The following SPAG16 variants were observed in gnomAD, a reference collection of about 807,000 sequenced individuals.
SPAG16 encodes sperm associated antigen 16.
SPAG16 carries 86 observed loss-of-function variants against 80.4 expected under a neutral mutation model. The observed-to-expected ratio is 1.07, with a 90% confidence interval of 0.90 to 1.28. SPAG16 has a LOEUF of 1.28. SPAG16 is among the 50% of genes most tolerant of loss of function. The pLI is 0.00. For missense variants in SPAG16, 870 were observed against 765.3 expected, an observed-to-expected ratio of 1.14 and a Z score of -1.61; for synonymous variants, 294 against 265.9, an observed-to-expected ratio of 1.11 and a Z score of -1.03.
chr2:213,291,939 A>G (rs776017853), intron 1 of SPAG16, among the ~76,000 whole-genome samples: 26 of 152,228 alleles, frequency 1.7e-4, no homozygotes, highest in Non-Finnish European at 2.9e-4. Flanking sequence ...GCTTTATAAA[A>G]TGGTAGTTAT....
intron 15 of SPAG16, among the ~76,000 whole-genome samples, chr2:214,199,326 G>A (rs771993305): frequency 2.0e-5 from 3 of 152,026 alleles, no homozygotes; most frequent in Admixed American, 6.6e-5. Context: ...ACATGTGTTT[G>A]TCAGTTTTCC....
At chr2:214,118,175 AT>A (rs1229509420) in intron 14 of SPAG16, among the ~76,000 whole-genome samples, 9 of 152,344 alleles carry the variant, frequency 5.9e-5, no homozygotes, top group African/African-American at 1.9e-4. Context: ...TCAATAAAAA[AT>A]AGTAACATTT....
chr2:213,696,712 T>C (rs979838180), intron 10 of SPAG16, among the ~76,000 whole-genome samples: 1 of 152,194 alleles, frequency 6.6e-6, no homozygotes, highest in African/African-American at 2.4e-5. Context: ...ATGTTAAAAC[T>C]GTGAAATAGC....
At chr2:213,287,863 C>A (rs572791658) in intron 1 of SPAG16, among the ~76,000 whole-genome samples, 63 of 152,078 alleles carry the variant, frequency 4.1e-4, no homozygotes, top group Non-Finnish European at 7.2e-4. Context: ...AAGTAGCAAG[C>A]CTGTAGATAA....
chr2:214,157,254 A>G (rs1487163950), intron 15 of SPAG16, among the ~76,000 whole-genome samples: 2 of 152,094 alleles, frequency 1.3e-5, no homozygotes, highest in Non-Finnish European at 2.9e-5. Flanking sequence ...CTCCCATTTT[A>G]AAGTTTTAAG....
At chr2:213,894,098 TATATC>T (rs982207908) in intron 11 of SPAG16, among the ~76,000 whole-genome samples, 3 of 152,108 alleles carry the variant, frequency 2.0e-5, no homozygotes, top group African/African-American at 4.8e-5. Context: ...TAGCTATACT[TATATC>T]AGATAAAATA....
At chr2:214,330,821 A>T (rs1696864503) in intron 15 of SPAG16, among the ~76,000 whole-genome samples, 1 of 152,172 alleles carries the variant, frequency 6.6e-6, no homozygotes, top group South Asian at 2.1e-4. Flanking sequence ...GTGCCAAATG[A>T]GGGATCAAGT....
intron 15 of SPAG16, among the ~76,000 whole-genome samples, chr2:214,353,346 T>C (rs1269789230): frequency 6.6e-6 from 1 of 152,108 alleles, no homozygotes; most frequent in East Asian, 1.9e-4. Context: ...ATACTATGCA[T>C]AGAGAGATCA....
At chr2:213,578,370 GA>G (rs1210542044) in intron 10 of SPAG16, among the ~76,000 whole-genome samples, 1 of 152,042 alleles carries the variant, frequency 6.6e-6, no homozygotes, top group Admixed American at 6.6e-5. Context: ...AATGTCAACT[GA>G]AAAAAGCTAA....
At chr2:214,093,101 C>T (rs1333624862) in intron 13 of SPAG16, among the ~76,000 whole-genome samples, 2 of 151,964 alleles carry the variant, frequency 1.3e-5, no homozygotes, top group Admixed American at 6.6e-5. Flanking sequence ...TATTTGGCCC[C>T]TCTTCCCTAG....
At chr2:213,717,156 A>ATTTTTTT (rs1411155401) in intron 10 of SPAG16, among the ~76,000 whole-genome samples, 1 of 144,168 alleles carries the variant, frequency 6.9e-6, no homozygotes, top group African/African-American at 2.6e-5. Flanking sequence ...GAAACTTTTC[A>ATTTTTTT]TTTTTTTTTT....
At chr2:214,035,460 C>G (rs1292760875) in intron 13 of SPAG16, among the ~76,000 whole-genome samples, 1 of 152,176 alleles carries the variant, frequency 6.6e-6, no homozygotes, top group East Asian at 1.9e-4. Flanking sequence ...CCCCTCAACC[C>G]CCCTCACATA....
chr2:213,452,070 G>A (rs2071731289), intron 9 of SPAG16, among the ~76,000 whole-genome samples: 1 of 152,074 alleles, frequency 6.6e-6, no homozygotes, highest in Non-Finnish European at 1.5e-5. Flanking sequence ...CCTATTGTTT[G>A]TATGTGAAGT....
chr2:214,369,145 TAATG>T (rs1255564548), intron 15 of SPAG16, among the ~76,000 whole-genome samples: 1 of 152,130 alleles, frequency 6.6e-6, no homozygotes, highest in Non-Finnish European at 1.5e-5. Flanking sequence ...TTTTAGAATT[TAATG>T]AATATGTATC....
intron 12 of SPAG16, among the ~76,000 whole-genome samples, chr2:213,931,993 C>T (rs2078767581): frequency 6.6e-6 from 1 of 151,620 alleles, no homozygotes; most frequent in Non-Finnish European, 1.5e-5. Flanking sequence ...CAGATCAATA[C>T]AATATAGATA....
intron 10 of SPAG16, among the ~76,000 whole-genome samples, chr2:213,720,947 T>C (rs1473391631): frequency 1.3e-5 from 2 of 151,844 alleles, no homozygotes; most frequent in African/African-American, 4.8e-5. Context: ...TGGTTTTCAC[T>C]GTGATAGCCA....
chr2:213,755,420 C>A (rs1000313397), intron 10 of SPAG16, among the ~76,000 whole-genome samples: 1 of 151,992 alleles, frequency 6.6e-6, no homozygotes, highest in Non-Finnish European at 1.5e-5. Flanking sequence ...AAAATAAAAT[C>A]CTGGTAGAGA....
chr2:213,339,738 T>G (rs1575260315), intron 5 of SPAG16, among the ~76,000 whole-genome samples: 2 of 152,184 alleles, frequency 1.3e-5, no homozygotes, highest in Non-Finnish European at 2.9e-5. Flanking sequence ...ATCTAGTATA[T>G]TCTCTTTAAC....
chr2:214,398,029 G>T (rs575653387), intron 15 of SPAG16, among the ~76,000 whole-genome samples: 1 of 152,216 alleles, frequency 6.6e-6, no homozygotes, highest in East Asian at 1.9e-4. Flanking sequence ...ACCAATAAGG[G>T]AAAATTTTTA....
Sources: gnomAD v4.1 joint callset for allele counts (sites outside exome capture counted in the v4.1 genomes callset) on GRCh38, gnomAD v4.1.1 for gene constraint, MANE v1.5 for transcripts, NCBI Gene and HGNC (gene_info 2026-07-23, HGNC 2026-07-21) for gene names.